ARHGAP15: variants seen among roughly 807,000 people sequenced by gnomAD.
ARHGAP15 encodes rho GTPase-activating protein 15.
In ARHGAP15, 51 loss-of-function variants were observed where a neutral mutation model predicts 63.7. The ratio of observed to expected loss-of-function variants is 0.80; its 90% confidence interval spans 0.64 to 1.01. The LOEUF (loss-of-function observed/expected upper bound fraction) is 1.01, where lower values mean the gene tolerates loss of function less well. Among genes scored for constraint, ARHGAP15 ranks in the 50% least tolerant of loss-of-function variants. ARHGAP15 has a pLI of 0.00. For missense variants in ARHGAP15, 560 were observed against 564.6 expected (o/e 0.99, Z 0.08); for synonymous variants, 191 against 193.8 (o/e 0.99, Z 0.12).
In ARHGAP15 at chr2:143,519,270, A is replaced by C; in HGVS notation, c.831A>C (p.Gln277His). The change falls in exon 10 of 14, where the codon CAA (glutamine) becomes CAC (histidine). Residue 277 changes from glutamine to histidine, a missense_variant. Gln to His is a conservative substitution (Grantham distance 24, BLOSUM62 0). Transcript: ENST00000295095. Reference sequence around the variant, plus strand: ...TCATCTTTGTTTCTTTTGCAGATCAAATTTTTGGCTCTCATCTGCACAAAG... The same window carrying C: ...TCATCTTTGTTTCTTTTGCAGATCACATTTTTGGCTCTCATCTGCACAAAG... ...TLQEKGLIKD[Q>H]IFGSHLHKVC... is the part of the protein sequence containing the mutation. 1 of 1,612,102 alleles carries C rather than the reference A, an allele frequency of 6.2e-7. No individual in the cohort carries two copies. Among genetic ancestry groups the C allele is most frequent in the Non-Finnish European group, 8.5e-7 (1 of 1,178,448 alleles).
Position 143,714,546 on chromosome 2 carries a change from T to C in ARHGAP15, c.1244+11022T>C, listed in dbSNP as rs1684723912. Among the ~76,000 whole-genome samples, 4 of 152,252 alleles carry C rather than the reference T, an allele frequency of 2.6e-5. No individual in the cohort carries two copies. The South Asian group carries it at 8.3e-4, about 31-fold the overall frequency. On this transcript the variant is annotated intron_variant, in intron 13 of 13. Coordinates refer to ENST00000295095, the MANE Select transcript of ARHGAP15 (RefSeq NM_018460.4). ...GAATTTCTCCCCAGAAAATGGGTTT[T>C]TCTTTTCTACTCATTATCAGGCTGC...
intron 6 of ARHGAP15, among the ~76,000 whole-genome samples, chr2:143,258,274 G>A (rs1235323534): frequency 6.6e-5 from 10 of 151,766 alleles, no homozygotes; most frequent in African/African-American, 1.9e-4. Flanking sequence ...TATGTATTCA[G>A]TGTTTATATG....
At chr2:143,320,741 G>T (rs1332956028) in intron 6 of ARHGAP15, among the ~76,000 whole-genome samples, 1 of 152,134 alleles carries the variant, frequency 6.6e-6, no homozygotes, top group Non-Finnish European at 1.5e-5. Context: ...TTGGATAGTT[G>T]CGTCCCCTGG....
chr2:143,424,224 G>T (rs1440823937), intron 6 of ARHGAP15, among the ~76,000 whole-genome samples: 3 of 152,104 alleles, frequency 2.0e-5, no homozygotes, highest in Non-Finnish European at 2.9e-5. Context: ...CAAGGACAAA[G>T]TTGATGTCAG....
Position 143,152,833 on chromosome 2 carries a change from G to A in ARHGAP15, c.-14-2644G>A, listed in dbSNP as rs554016141. Among the ~76,000 whole-genome samples, 3 of 152,022 alleles carry A rather than the reference G, an allele frequency of 2.0e-5. No homozygotes were observed. The South Asian group carries it at 6.2e-4, about 32-fold the overall frequency. ...GGGGTGTCAACAAAATGTAACAACAGGGTGAGATGGAAAAGGAAGTGAGGG... is the reference window on the plus strand; with the variant it reads ...GGGGTGTCAACAAAATGTAACAACAAGGTGAGATGGAAAAGGAAGTGAGGG... On this transcript the variant is annotated intron_variant, in intron 1 of 13. Transcript: ENST00000295095.
chr2:143,736,936 T>C (rs1031410611), intron 13 of ARHGAP15, among the ~76,000 whole-genome samples: 5 of 152,224 alleles, frequency 3.3e-5, no homozygotes, highest in African/African-American at 4.8e-5. Flanking sequence ...ATTTTAGACA[T>C]AATAGAATAT....
intron 6 of ARHGAP15, chr2:143,435,185 A>C (rs1689555417): frequency 1.2e-6 from 1 of 858,078 alleles, no homozygotes; most frequent in Non-Finnish European, 1.4e-6. Flanking sequence ...AGGAAATCAA[A>C]TATAGAGATA....
chr2:143,610,590 T>C (rs1698211735), intron 11 of ARHGAP15, among the ~76,000 whole-genome samples: 1 of 152,200 alleles, frequency 6.6e-6, no homozygotes, highest in Non-Finnish European at 1.5e-5. Flanking sequence ...TTCATTCCTC[T>C]CAACTTTAGG....
At chr2:143,442,660 T>C (rs555324727) in intron 8 of ARHGAP15, among the ~76,000 whole-genome samples, 5 of 152,254 alleles carry the variant, frequency 3.3e-5, no homozygotes, top group African/African-American at 1.2e-4. Flanking sequence ...GTAAAAAGTA[T>C]GTGTAATGAC....
intron 2 of ARHGAP15, among the ~76,000 whole-genome samples, chr2:143,156,741 T>C (rs2105012553): frequency 6.6e-6 from 1 of 152,082 alleles, no homozygotes; most frequent in East Asian, 1.9e-4. Context: ...TGATTATATT[T>C]GGAGAGTGAG....
intron 6 of ARHGAP15, among the ~76,000 whole-genome samples, chr2:143,366,881 A>G (rs12691676): frequency 0.15 from 22,800 of 151,900 alleles, 1,938 homozygotes; most frequent in Non-Finnish European, 0.17. Context: ...TGGTCTGGGT[A>G]TTTCTCTGTC....
intron 11 of ARHGAP15, among the ~76,000 whole-genome samples, chr2:143,622,772 TC>T: frequency 8.6e-6 from 1 of 116,064 alleles, no homozygotes; most frequent in Non-Finnish European, 1.8e-5. Flanking sequence ...AAACGATCGT[TC>T]ATTTATTTAA....
Position 143,571,002 on chromosome 2 carries a change from C to A in ARHGAP15, c.1003+14517C>A, listed in dbSNP as rs182215293. 1.9e-3 allele frequency among the ~76,000 whole-genome samples: 282 copies of A among 152,224 alleles called. 2 individuals carry two copies. The highest frequency in any genetic ancestry group is 6.7e-3 in the African/African-American group (280 of 41,534). On this transcript the variant is annotated intron_variant, in intron 11 of 13. Transcript: ENST00000295095. ...AGTGGCAGGTGAGAGAGCATTACCCCCTGAGCTCCACCTCTTGTCAGATTA... is the reference window on the plus strand; with the variant it reads ...AGTGGCAGGTGAGAGAGCATTACCCACTGAGCTCCACCTCTTGTCAGATTA...
chr2:143,269,842 A>G (rs1284675350), intron 6 of ARHGAP15, among the ~76,000 whole-genome samples: 1 of 152,188 alleles, frequency 6.6e-6, no homozygotes, highest in Non-Finnish European at 1.5e-5. Flanking sequence ...CTATTAATTG[A>G]TAAGTGTACA....
intron 11 of ARHGAP15, among the ~76,000 whole-genome samples, chr2:143,564,483 A>G (rs933136517): frequency 2.6e-5 from 4 of 152,202 alleles, no homozygotes; most frequent in Non-Finnish European, 5.9e-5. Flanking sequence ...TTTGAGCTAT[A>G]AGTAAGTGTT....
intron 12 of ARHGAP15, among the ~76,000 whole-genome samples, chr2:143,646,237 G>A (rs1480347008): frequency 6.6e-6 from 1 of 152,036 alleles, no homozygotes; most frequent in Non-Finnish European, 1.5e-5. Context: ...GTTGCTCATG[G>A]TGTTTCAGAA....
At chr2:143,216,037 G>A (rs1444832265) in intron 3 of ARHGAP15, among the ~76,000 whole-genome samples, 1 of 152,138 alleles carries the variant, frequency 6.6e-6, no homozygotes, top group African/African-American at 2.4e-5. Flanking sequence ...ACTTTTCTAA[G>A]GATACTTGGT....
At chr2:143,393,249 C>T (rs928937693) in intron 6 of ARHGAP15, among the ~76,000 whole-genome samples, 7 of 152,052 alleles carry the variant, frequency 4.6e-5, no homozygotes, top group Admixed American at 2.0e-4. Context: ...AATCCAGGGA[C>T]TATCATTGTT....
At chr2:143,729,476 T>C (rs1685433260) in intron 13 of ARHGAP15, among the ~76,000 whole-genome samples, 1 of 152,216 alleles carries the variant, frequency 6.6e-6, no homozygotes, top group Admixed American at 6.5e-5. Flanking sequence ...CGATTCACTT[T>C]TGTTTTCCAA....
Sources: gnomAD v4.1 joint callset for allele counts (sites outside exome capture counted in the v4.1 genomes callset) on GRCh38, gnomAD v4.1.1 for gene constraint, MANE v1.5 for transcripts, NCBI Gene and HGNC (gene_info 2026-07-23, HGNC 2026-07-21) for gene names.